ATP8A2: variants seen among roughly 807,000 people sequenced by gnomAD.
The protein encoded by ATP8A2 is ATPase phospholipid transporting 8A2, also known as phospholipid-transporting ATPase IB.
Under a neutral mutation model 165.6 loss-of-function variants are expected in ATP8A2, and 100 were observed. The observed-to-expected ratio is 0.60, with a 90% CI of 0.51 to 0.71. The LOEUF (loss-of-function observed/expected upper bound fraction) is 0.71. ATP8A2 is among the 30% of genes least tolerant of loss of function. The pLI, the probability that ATP8A2 is intolerant of heterozygous loss-of-function variation, is 0.00. For synonymous variants in ATP8A2, 543 were observed against 548.8 expected, an observed-to-expected ratio of 0.99 and a Z score of 0.15; for missense variants, 1,227 against 1,479.5, an observed-to-expected ratio of 0.83 and a Z score of 2.80.
At chr13:25,391,094 G>A (rs1400379253) in intron 1 of ATP8A2, among the ~76,000 whole-genome samples, 1 of 152,158 alleles carries the variant, frequency 6.6e-6, no homozygotes, top group African/African-American at 2.4e-5. Context: ...GGTCAGGAGA[G>A]AGGGGAAATG....
chr13:25,791,575 A>ACACACACACACT, intron 27 of ATP8A2, among the ~76,000 whole-genome samples: 1 of 149,202 alleles, frequency 6.7e-6, no homozygotes, highest in Non-Finnish European at 1.5e-5. Context: ...ACACACACAC[A>ACACACACACACT]CTCCAGCTAC....
chr13:25,919,548 TC>T lies in ATP8A2; in HGVS notation c.3184-42025del, dbSNP rs10710169. 6.8e-3 allele frequency among the ~76,000 whole-genome samples: 1,033 copies of T among 152,168 alleles called. 7 individuals are homozygous for T. The highest frequency in any genetic ancestry group is 0.024 in the African/African-American group (995 of 41,506). ...CGGGAGCCTCAGGATTCTCTACCCC[TC>T]CTCCAGCTCCTGCCCTAAGAGACTA... On this transcript the variant is annotated intron_variant, in intron 33 of 36. Coordinates refer to ENST00000381655, the MANE Select transcript of ATP8A2 (RefSeq NM_016529.6).
At chr13:25,395,207 A>T (rs1417352445) in intron 1 of ATP8A2, among the ~76,000 whole-genome samples, 1 of 152,108 alleles carries the variant, frequency 6.6e-6, no homozygotes, top group African/African-American at 2.4e-5. Context: ...TTTTCCACCC[A>T]CTATTGGCAT....
intron 1 of ATP8A2, among the ~76,000 whole-genome samples, chr13:25,393,133 C>CTTTTTTT (rs113512127): frequency 0.017 from 2,366 of 138,560 alleles, 95 homozygotes; most frequent in African/African-American, 0.058. Context: ...TATTTACATA[C>CTTTTTTT]TTTTTTTTTT....
intron 35 of ATP8A2, among the ~76,000 whole-genome samples, chr13:25,998,992 A>G (rs1190030291): frequency 6.6e-6 from 1 of 152,198 alleles, no homozygotes; most frequent in East Asian, 1.9e-4. Context: ...CTTGGCCACT[A>G]TTGGAAAACC....
intron 24 of ATP8A2, among the ~76,000 whole-genome samples, chr13:25,653,635 T>C (rs1195010899): frequency 6.6e-6 from 1 of 152,226 alleles, no homozygotes; most frequent in African/African-American, 2.4e-5. Flanking sequence ...GATTTTTGTT[T>C]TTGTTTTTGC....
chr13:25,766,536 A>G (rs1036400113), intron 25 of ATP8A2, among the ~76,000 whole-genome samples: 2 of 152,116 alleles, frequency 1.3e-5, no homozygotes, highest in African/African-American at 4.8e-5. Context: ...CTCATTTCCT[A>G]TTCCACATTG....
intron 1 of ATP8A2, among the ~76,000 whole-genome samples, chr13:25,461,134 A>C (rs2035492438): frequency 6.6e-6 from 1 of 152,244 alleles, no homozygotes; most frequent in Non-Finnish European, 1.5e-5. Context: ...TTGCAGTAAT[A>C]AGAAATCCTG....
At chr13:25,871,241 T>C (rs1952670987) in intron 33 of ATP8A2, 6 of 396,114 alleles carry the variant, frequency 1.5e-5, no homozygotes, top group Non-Finnish European at 2.4e-5. Context: ...GTAATATTTA[T>C]GCTCAGTGGT....
intron 27 of ATP8A2, among the ~76,000 whole-genome samples, chr13:25,775,789 T>C (rs1292723150): frequency 6.6e-6 from 1 of 152,240 alleles, no homozygotes; most frequent in African/African-American, 2.4e-5. Context: ...GGTTATTTTA[T>C]ATCTGATTTC....
At chr13:25,937,848 C>CAAAAAAAAAAAA (rs57258286) in intron 33 of ATP8A2, among the ~76,000 whole-genome samples, 9 of 83,568 alleles carry the variant, frequency 1.1e-4, no homozygotes, top group African/African-American at 1.9e-4. Flanking sequence ...GACTCCGTCT[C>CAAAAAAAAAAAA]AAAAAAAAAA....
intron 30 of ATP8A2, among the ~76,000 whole-genome samples, chr13:25,850,234 G>T (rs1165796085): frequency 6.6e-6 from 1 of 152,206 alleles, no homozygotes; most frequent in African/African-American, 2.4e-5. Context: ...CCAGTGACGG[G>T]TGTCTGCGAG....
rs775455372 is a variant in ATP8A2, at chr13:25,581,881, C to T, written c.2070C>T (p.Thr690=). 6.2e-7 allele frequency: 1 copy of T among 1,613,946 alleles called. No individual in the cohort carries two copies. The highest frequency in any genetic ancestry group is 8.5e-7 in the Non-Finnish European group (1 of 1,179,854). The change falls in exon 23 of 37, where the codon ACC becomes ACT. Residue 690 remains threonine (T), a synonymous_variant. Transcript: ENST00000381655. ...EDRLQAGVPE[T]IATLLKAEIK... ...GCCTTCAAGCAGGAGTTCCAGAAAC[C>T]ATCGCAACACTGTTGAAGGCAGAAA...
intron 5 of ATP8A2, 23 bp downstream of exon 5, chr13:25,532,340 T>G (rs766725608): frequency 3.2e-6 from 5 of 1,586,696 alleles, no homozygotes; most frequent in South Asian, 1.2e-5. Context: ...GCTGAAGGAC[T>G]TTTTCCACTG....
chr13:25,865,279 CTGTT>C (rs1952475889), intron 33 of ATP8A2, among the ~76,000 whole-genome samples: 1 of 152,180 alleles, frequency 6.6e-6, no homozygotes, highest in African/African-American at 2.4e-5. Context: ...TTTAAAATGA[CTGTT>C]TGAAGAATGC....
At chr13:25,497,060 G>C (rs1048180032) in intron 2 of ATP8A2, among the ~76,000 whole-genome samples, 6 of 152,176 alleles carry the variant, frequency 3.9e-5, no homozygotes, top group Admixed American at 1.3e-4. Context: ...CAGAGGACCA[G>C]TCACCTCCTG....
intron 24 of ATP8A2, among the ~76,000 whole-genome samples, chr13:25,650,364 A>G (rs2041783590): frequency 6.6e-6 from 1 of 152,072 alleles, no homozygotes; most frequent in Non-Finnish European, 1.5e-5. Flanking sequence ...TGTCGTCTGA[A>G]TTCTCTTTGT....
chr13:25,591,489 G>C (rs960569977), intron 24 of ATP8A2: 1 of 390,880 alleles, frequency 2.6e-6, no homozygotes, highest in East Asian at 7.3e-5. Flanking sequence ...TCAGAATTTC[G>C]CTCCTTTTTA....
chr13:25,963,907 G>C (rs1379235731), intron 34 of ATP8A2, among the ~76,000 whole-genome samples: 1 of 152,218 alleles, frequency 6.6e-6, no homozygotes, highest in East Asian at 1.9e-4. Flanking sequence ...TTTTAACAAG[G>C]ATAAATCAAA....
Sources: allele counts gnomAD v4.1 joint callset (sites outside exome capture counted in the v4.1 genomes callset), GRCh38; gene constraint gnomAD v4.1.1; transcripts MANE v1.5; gene names NCBI Gene and HGNC (gene_info 2026-07-23, HGNC 2026-07-21).